MYO19: variants seen among roughly 807,000 people sequenced by gnomAD.
MYO19 encodes the protein unconventional myosin-XIX.
Under a neutral mutation model 129.2 loss-of-function variants are expected in MYO19, and 132 were observed. The observed-to-expected ratio is 1.02, with a 90% confidence interval of 0.89 to 1.18. The LOEUF (loss-of-function observed/expected upper bound fraction) is 1.18, where lower values mean the gene tolerates loss of function less well. MYO19 is among the 50% of genes most tolerant of loss of function. The probability of loss-of-function intolerance (pLI) is 0.00; values close to 1 mark genes in which losing one functional copy is unlikely to be tolerated. For missense variants in MYO19, 1,210 were observed against 1,216.7 expected, an observed-to-expected ratio of 0.99 and a Z score of 0.08; for synonymous variants, 531 against 477.2, an observed-to-expected ratio of 1.11 and a Z score of -1.47.
chr17:36,524,060 C>T (rs1313834464), intron 6 of MYO19, among the ~76,000 whole-genome samples: 1 of 152,134 alleles, frequency 6.6e-6, no homozygotes, highest in East Asian at 1.9e-4. Flanking sequence ...AAAGGGTTAC[C>T]TAGCTCTCTG....
At chr17:36,531,957 G>A (rs1281484399) in intron 3 of MYO19, among the ~76,000 whole-genome samples, 6 of 152,244 alleles carry the variant, frequency 3.9e-5, no homozygotes, top group African/African-American at 1.4e-4. Context: ...GTATGAGAGA[G>A]AGCTCCGCTG....
intron 13 of MYO19, among the ~76,000 whole-genome samples, chr17:36,510,295 G>C (rs2072227352): frequency 6.6e-6 from 1 of 152,210 alleles, no homozygotes; most frequent in Admixed American, 6.5e-5. Context: ...CATGCTGTGG[G>C]CTGAGCCTCT....
rs73276768 is a variant in MYO19 at position 36,503,991 on chromosome 17, G to A, written c.1935C>T (p.Leu645=). The change falls in exon 20 of 26, where the codon CTC becomes CTT. Residue 645 remains leucine (L), a synonymous_variant. Coordinates refer to ENST00000614623, the MANE Select transcript of MYO19 (RefSeq NM_001163735.2). ...EVLSQLEACG[L]VETIHISAAG... is the part of the protein sequence containing the mutation. Reference sequence around the variant, plus strand: ...CAGCACTGATATGGATGGTCTCCACGAGGCCACAGGCCTCCAGCTGGCTCA... The same window carrying A: ...CAGCACTGATATGGATGGTCTCCACAAGGCCACAGGCCTCCAGCTGGCTCA... 7.8e-4 allele frequency: 1,241 copies of A among 1,586,464 alleles called. 12 individuals are homozygous for A. The African/African-American group carries it at 0.015, about 20-fold the overall frequency.
In MYO19 at chr17:36,495,933, T is replaced by C. The variant is rs578037081; in HGVS notation, c.*318A>G. 37 of 1,072,522 alleles carry C rather than the reference T, an allele frequency of 3.4e-5. No homozygotes were observed. In the South Asian group the frequency reaches 1.6e-3, roughly 46 times the overall value. 66.4% of individuals were successfully genotyped at this position (1,072,522 alleles called of 1,614,324 possible). A position where few individuals can be genotyped will look rare whatever the true frequency, so the allele number is the denominator to read the frequency against. ...TCTTCCAAAAGTGCTTATGTGGAAT[T>C]GGGATCCCCAGTGTAGTGACAGACA... is the stretch of plus-strand genomic sequence containing the variant. On this transcript the variant is annotated 3_prime_UTR_variant, in exon 26 of 26. Transcript: ENST00000614623.
chr17:36,525,530 T>C (rs2073411159), intron 5 of MYO19, among the ~76,000 whole-genome samples, 189 bp from the exon 6 acceptor site: 1 of 152,234 alleles, frequency 6.6e-6, no homozygotes, highest in East Asian at 1.9e-4. Context: ...CTATTCATTT[T>C]CTCTCAGCCT....
chr17:36,511,508 A>T, intron 11 of MYO19, 53 bp from the exon 12 acceptor site: 3 of 1,495,720 alleles, frequency 2.0e-6, no homozygotes, highest in Non-Finnish European at 2.7e-6. Flanking sequence ...ACGTGGGCCT[A>T]CTCTGGGAAG....
intron 7 of MYO19, 104 bp downstream of exon 7, chr17:36,515,753 AC>A: frequency 7.7e-7 from 1 of 1,297,232 alleles, no homozygotes. Context: ...CTCATCCTCC[AC>A]CCCCACCCAA....
intron 6 of MYO19, 120 bp from the exon 7 acceptor site, chr17:36,516,110 G>T (rs1228071320): frequency 1.6e-6 from 2 of 1,223,486 alleles, no homozygotes; most frequent in Non-Finnish European, 1.1e-6. Flanking sequence ...GACAAAATGG[G>T]TGAAGGCAGA....
intron 2 of MYO19, chr17:36,533,452 A>G (rs545951160): frequency 3.3e-5 from 5 of 152,290 alleles, no homozygotes; most frequent in Admixed American, 1.3e-4. Context: ...TGACCCTCAG[A>G]CTTGGAATTT....
In MYO19 at chr17:36,527,739, T is replaced by C. The variant is rs201150325; in HGVS notation, c.152-40A>G. 1.2e-4 allele frequency: 198 copies of C among 1,586,512 alleles called. 1 individual carries two copies. In the African/African-American group the frequency reaches 2.1e-3, roughly 17 times the overall value. On this transcript the variant is annotated intron_variant, in intron 4 of 25. Coordinates refer to ENST00000614623, the MANE Select transcript of MYO19 (RefSeq NM_001163735.2). ...CCTTTAGCAAACTCGGGCTCAAATA[T>C]AGTCAAACCACACACACAGACACAC...
chr17:36,542,782 C>T (rs981541680), intron 1 of MYO19, among the ~76,000 whole-genome samples: 2 of 151,712 alleles, frequency 1.3e-5, no homozygotes, highest in Non-Finnish European at 2.9e-5. Flanking sequence ...GCCACAGTAT[C>T]TTGGCTCACT....
chr17:36,533,333 A>C (rs963488570), intron 2 of MYO19: 1 of 152,288 alleles, frequency 6.6e-6, no homozygotes. Flanking sequence ...AATCAGGTGA[A>C]CGGTCCAGTG....
At chr17:36,499,693 T>TTTTTTTTTTG in intron 23 of MYO19, 1 of 140,442 alleles carries the variant, frequency 7.1e-6, no homozygotes, top group Non-Finnish European at 1.5e-5. Context: ...TTTTTTTTTT[T>TTTTTTTTTTG]GAGACAGGGT....
intron 6 of MYO19, among the ~76,000 whole-genome samples, chr17:36,522,591 T>C (rs568605569): frequency 8.7e-4 from 130 of 150,272 alleles, no homozygotes; most frequent in African/African-American, 3.1e-3. Flanking sequence ...CCATGGAGAC[T>C]AGGCGTGGTG....
chr17:36,522,624 C>G (rs1190772808), intron 6 of MYO19, among the ~76,000 whole-genome samples: 1 of 152,072 alleles, frequency 6.6e-6, no homozygotes, highest in African/African-American at 2.4e-5. Flanking sequence ...AAACCCAGCA[C>G]TTTGGGAGGC....
intron 13 of MYO19, 66 bp from the exon 14 acceptor site, chr17:36,509,201 C>T (rs2072142782): frequency 1.4e-6 from 2 of 1,465,186 alleles, no homozygotes; most frequent in Middle Eastern, 1.7e-4. Flanking sequence ...GGTAAAATTG[C>T]TCCCCCCATC....
Position 36,498,545 on chromosome 17 carries a change from G to A in MYO19, c.2478C>T (p.Cys826=). 2 of 1,611,094 alleles carry A rather than the reference G, an allele frequency of 1.2e-6. No homozygotes were observed. The highest frequency in any genetic ancestry group is 2.2e-5 in the East Asian group (1 of 44,788). The change falls in exon 25 of 26, where the codon TGC becomes TGT. Residue 826 remains cysteine, a synonymous_variant. Coordinates refer to ENST00000614623, the MANE Select transcript of MYO19 (RefSeq NM_001163735.2). The stretch of plus-strand genomic sequence containing the variant: ...CACCATCCAGCTCTTTAGCAGCAAG[G>A]CAGGCCATTCTGATCTTAAAAAGCA... ...AWQKWRIRMA[C]LAAKELDGVE... is the part of the protein sequence containing the mutation.
chr17:36,512,780 C>T (rs1035715588), intron 11 of MYO19: 29 of 1,287,804 alleles, frequency 2.3e-5, no homozygotes, highest in South Asian at 3.7e-5. Context: ...TCCTGCTGCT[C>T]TAGAGGGTGA....
At position 36,509,113 on chromosome 17, in the gene MYO19, C is replaced by G; in HGVS notation, c.1180G>C (p.Val394Leu). 6.2e-7 allele frequency: 1 copy of G among 1,613,826 alleles called. No homozygotes were observed. The highest frequency in any genetic ancestry group is 8.5e-7 in the Non-Finnish European group (1 of 1,179,810). ...TCTGCACAGATGCTGCTGTTGATCA[C>G]TGATACCAGCCAGTCAAACAACCTG... is the stretch of plus-strand genomic sequence containing the variant. Reference protein sequence around the residue: ...YARLFDWLVSVINSSICADTD... With the variant: ...YARLFDWLVSLINSSICADTD... Residue 394 changes from valine to leucine, a missense_variant, in exon 14 of 26, where the codon GTG (valine) becomes CTG (leucine). Coordinates refer to ENST00000614623, the MANE Select transcript of MYO19 (RefSeq NM_001163735.2).
Sources: gnomAD v4.1 joint callset for allele counts (sites outside exome capture counted in the v4.1 genomes callset) on GRCh38, gnomAD v4.1.1 for gene constraint, MANE v1.5 for transcripts, NCBI Gene and HGNC (gene_info 2026-07-23, HGNC 2026-07-21) for gene names.